Variants in CUEDC1 observed in about 807,000 individuals in gnomAD.
The protein encoded by CUEDC1 is CUE domain-containing protein 1.
In CUEDC1, 30 loss-of-function variants were observed where a neutral mutation model predicts 43.7. That is an observed-to-expected ratio of 0.69 (90% CI 0.51 to 0.93). CUEDC1 has a LOEUF of 0.93. Among genes scored for constraint, CUEDC1 ranks in the 40% least tolerant of loss-of-function variants. The pLI is 0.00. For synonymous variants in CUEDC1, 223 were observed against 223.6 expected (o/e 1.00, Z 0.02); for missense variants, 486 against 549.0 (o/e 0.89, Z 1.15).
chr17:57,880,711 G>C (rs914618673), intron 2 of CUEDC1, among the ~76,000 whole-genome samples: 6 of 152,212 alleles, frequency 3.9e-5, no homozygotes, highest in African/African-American at 1.4e-4. Flanking sequence ...CAAAGTATAT[G>C]TTCTCCTGCC....
intron 1 of CUEDC1, among the ~76,000 whole-genome samples, chr17:57,927,301 T>C (rs1598014603): frequency 7.1e-6 from 1 of 141,362 alleles, no homozygotes; most frequent in African/African-American, 2.7e-5. Flanking sequence ...TCCTCCCCAC[T>C]CCCCCCGGGA....
At chr17:57,883,489 C>A (rs112096254) in intron 2 of CUEDC1, among the ~76,000 whole-genome samples, 1 of 152,130 alleles carries the variant, frequency 6.6e-6, no homozygotes. Context: ...TTTGGGAGGC[C>A]GAGGCGGGCA....
intron 1 of CUEDC1, among the ~76,000 whole-genome samples, chr17:57,948,330 G>A (rs554584963): frequency 7.2e-5 from 11 of 152,064 alleles, no homozygotes; most frequent in African/African-American, 2.7e-4. Flanking sequence ...CTCCTCACAC[G>A]GCTTGGACTC....
chr17:57,907,090 G>C (rs1202205243), intron 1 of CUEDC1, among the ~76,000 whole-genome samples: 1 of 152,096 alleles, frequency 6.6e-6, no homozygotes, highest in Admixed American at 6.5e-5. Flanking sequence ...CCTGCACAGA[G>C]GGGCTCTGTC....
At chr17:57,866,697 A>G (rs1221825237) in intron 9 of CUEDC1, 153 bp from the exon 10 acceptor site, 7 of 659,416 alleles carry the variant, frequency 1.1e-5, no homozygotes, top group Non-Finnish European at 1.8e-5. Flanking sequence ...GCATGGGTCC[A>G]GGGAGAGAGG....
intron 10 of CUEDC1, among the ~76,000 whole-genome samples, chr17:57,866,111 C>G (rs2073953575): frequency 6.6e-6 from 1 of 152,182 alleles, no homozygotes; most frequent in African/African-American, 2.4e-5. Flanking sequence ...GCATGGGACA[C>G]CGTGCCCAGC....
chr17:57,867,848 CT>C (rs978382845), intron 8 of CUEDC1, among the ~76,000 whole-genome samples: 1 of 152,180 alleles, frequency 6.6e-6, no homozygotes, highest in African/African-American at 2.4e-5. Flanking sequence ...GGAAGAACCA[CT>C]TTTTCTCCCA....
intron 1 of CUEDC1, among the ~76,000 whole-genome samples, chr17:57,892,283 C>T (rs920686553): frequency 6.6e-5 from 10 of 152,232 alleles, no homozygotes; most frequent in South Asian, 2.1e-4. Context: ...AGGCTGATGG[C>T]AGGCTGCCCC....
At chr17:57,896,752 A>G (rs1462324399) in intron 1 of CUEDC1, among the ~76,000 whole-genome samples, 1 of 147,388 alleles carries the variant, frequency 6.8e-6, no homozygotes, top group Non-Finnish European at 1.5e-5. Context: ...TGATTTTTAT[A>G]TCTTTTTCTT....
At chr17:57,889,090 C>T (rs1044405930) in intron 1 of CUEDC1, among the ~76,000 whole-genome samples, 2 of 152,236 alleles carry the variant, frequency 1.3e-5, no homozygotes, top group African/African-American at 4.8e-5. Flanking sequence ...AAGGCCTCCG[C>T]ACTCCCCAGC....
chr17:57,942,921 G>A (rs1447540317), intron 1 of CUEDC1, among the ~76,000 whole-genome samples: 5 of 151,858 alleles, frequency 3.3e-5, no homozygotes, highest in African/African-American at 1.2e-4. Flanking sequence ...CCAGCTACTC[G>A]GGAGGCTGAG....
At chr17:57,910,867 A>G (rs916461841) in intron 1 of CUEDC1, among the ~76,000 whole-genome samples, 2 of 152,128 alleles carry the variant, frequency 1.3e-5, no homozygotes, top group Non-Finnish European at 2.9e-5. Context: ...GTGTGTCACC[A>G]GGCCTTCACA....
intron 1 of CUEDC1, among the ~76,000 whole-genome samples, chr17:57,922,069 C>T (rs893418288): frequency 2.0e-5 from 3 of 152,062 alleles, no homozygotes; most frequent in African/African-American, 4.8e-5. Context: ...GCCAAGATCA[C>T]GCCACTGCAC....
At chr17:57,866,808 A>C in intron 9 of CUEDC1, 2 of 478,670 alleles carry the variant, frequency 4.2e-6, no homozygotes, top group East Asian at 3.8e-5. Context: ...TCATCTATAA[A>C]ATGGGATGGA....
chr17:57,867,195 G>T (rs752823262), intron 9 of CUEDC1, 162 bp downstream of exon 9: 1 of 678,510 alleles, frequency 1.5e-6, no homozygotes, highest in South Asian at 1.7e-5. Context: ...AAGCAATGTC[G>T]ACCAAGTCAG....
intron 2 of CUEDC1, among the ~76,000 whole-genome samples, chr17:57,884,261 G>A (rs1302059723): frequency 1.6e-5 from 2 of 126,046 alleles, no homozygotes; most frequent in Admixed American, 2.0e-4. Flanking sequence ...GCAGTGGCAT[G>A]ATCTCGGCTC....
chr17:57,908,099 C>A (rs1196504140), intron 1 of CUEDC1, among the ~76,000 whole-genome samples: 1 of 152,060 alleles, frequency 6.6e-6, no homozygotes, highest in Non-Finnish European at 1.5e-5. Flanking sequence ...CTCTGTTTCC[C>A]AGGCTGGAGT....
chr17:57,895,392 G>A (rs903756501), intron 1 of CUEDC1, among the ~76,000 whole-genome samples: 8 of 152,208 alleles, frequency 5.3e-5, no homozygotes, highest in Non-Finnish European at 5.9e-5. Flanking sequence ...AAAGGACAGG[G>A]TTGCCCCTGG....
intron 1 of CUEDC1, among the ~76,000 whole-genome samples, chr17:57,889,114 AC>A (rs2074329255): frequency 1.3e-5 from 2 of 152,214 alleles, no homozygotes; most frequent in Non-Finnish European, 2.9e-5. Context: ...GGGACCTCAG[AC>A]AAGTCTCCCA....
Sources: allele counts gnomAD v4.1 joint callset (sites outside exome capture counted in the v4.1 genomes callset), GRCh38; gene constraint gnomAD v4.1.1; transcripts MANE v1.5; gene names NCBI Gene and HGNC (gene_info 2026-07-23, HGNC 2026-07-21).